Variants in PIK3C2A observed in about 807,000 individuals in gnomAD.
PIK3C2A encodes the protein phosphatidylinositol-4-phosphate 3-kinase catalytic subunit type 2 alpha, also known as phosphatidylinositol 4-phosphate 3-kinase C2 domain-containing subunit alpha.
A neutral mutation model predicts 204.5 loss-of-function variants in PIK3C2A; 97 were observed. The ratio of observed to expected loss-of-function variants is 0.47; its 90% CI spans 0.40 to 0.56. The LOEUF is 0.56. Among genes scored for constraint, PIK3C2A ranks in the 20% least tolerant of loss-of-function variants. The pLI, the probability that PIK3C2A is intolerant of heterozygous loss-of-function variation, is 0.00. For synonymous variants in PIK3C2A, 653 were observed against 664.4 expected (o/e 0.98, Z 0.26); for missense variants, 1,735 against 1,969.2 (o/e 0.88, Z 2.25).
At chr11:17,107,117 T>C (rs1281126927) in intron 22 of PIK3C2A, among the ~76,000 whole-genome samples, 1 of 152,024 alleles carries the variant, frequency 6.6e-6, no homozygotes, top group Non-Finnish European at 1.5e-5. Flanking sequence ...ATCGAGACCA[T>C]CCTGGCTAAC....
intron 21 of PIK3C2A, among the ~76,000 whole-genome samples, chr11:17,110,896 ATTATTTAT>A (rs539022518): frequency 3.3e-5 from 5 of 151,910 alleles, no homozygotes; most frequent in African/African-American, 9.7e-5. Context: ...ATTATATTCA[ATTATTTAT>A]TTATTTATTT....
At chr11:17,118,778 C>T (rs754796101) in intron 17 of PIK3C2A, 39 bp from the exon 18 acceptor site, 5 of 956,758 alleles carry the variant, frequency 5.2e-6, no homozygotes, top group African/African-American at 1.7e-5. Flanking sequence ...GTGGTCTAAC[C>T]CATACTAAAT....
chr11:17,176,919 C>G (rs1183273797), intron 1 of PIK3C2A, among the ~76,000 whole-genome samples: 1 of 152,132 alleles, frequency 6.6e-6, no homozygotes, highest in African/African-American at 2.4e-5. Context: ...TACTATATGC[C>G]AAACATTGCT....
At chr11:17,167,209 G>T (rs1027067242) in intron 2 of PIK3C2A, among the ~76,000 whole-genome samples, 4 of 152,180 alleles carry the variant, frequency 2.6e-5, no homozygotes, top group African/African-American at 9.7e-5. Context: ...CTGGGCTCAA[G>T]TGATTCTCCC....
rs777050777 is a variant in PIK3C2A at position 17,168,978 on chromosome 11, T to C, written c.764A>G (p.Asn255Ser). 112 of 1,613,798 alleles carry C rather than the reference T, an allele frequency of 6.9e-5. No homozygotes were observed. The highest frequency in any genetic ancestry group is 9.1e-5 in the Non-Finnish European group (107 of 1,179,992). Residue 255 changes from asparagine (N) to serine (S), a missense_variant, in exon 2 of 33, where the codon AAT becomes AGT. By Grantham distance (46) the Asn-to-Ser change is conservative. Around this residue, in one of 6 missense-constraint regions of PIK3C2A, gnomAD observed 536 missense variants for 546.7 expected, o/e 0.98. Transcript: ENST00000691414. ...CTCAGACTTTGGAGATACCTGTAGA[T>C]TGCTGACTTTTGAATCTGTTATCTC... Reference protein sequence around the residue: ...DLEITDSKVSNLQVSPKSEDI... With the variant: ...DLEITDSKVSSLQVSPKSEDI...
Position 17,118,756 on chromosome 11 carries a change from T to A in PIK3C2A, c.2941-17A>T. The A allele has an allele frequency of 8.2e-7, 1 of 1,222,126 alleles. No individual in the cohort carries two copies. The highest frequency in any genetic ancestry group is 1.2e-6 in the Non-Finnish European group (1 of 832,120). The allele number at this position is 1,222,126 out of a possible 1,614,324, so 75.7% of individuals were successfully genotyped here. On this transcript the variant is annotated splice_polypyrimidine_tract_variant and intron_variant, in intron 17 of 32. Transcript: ENST00000691414. ...TTTCAAAGCCTACAGTAAAAGAAAATAAGAATTATTAGTGGTCTAACCCAT... is the reference window on the plus strand; with the variant it reads ...TTTCAAAGCCTACAGTAAAAGAAAAAAAGAATTATTAGTGGTCTAACCCAT...
At chr11:17,161,346 TTTTG>T (rs1175889960) in intron 2 of PIK3C2A, among the ~76,000 whole-genome samples, 3 of 152,216 alleles carry the variant, frequency 2.0e-5, no homozygotes, top group Non-Finnish European at 2.9e-5. Context: ...GAAAATCACA[TTTTG>T]TTTAACTTTT....
intron 13 of PIK3C2A, among the ~76,000 whole-genome samples, chr11:17,128,296 G>A (rs1428680162): frequency 1.3e-5 from 2 of 148,304 alleles, no homozygotes; most frequent in Non-Finnish European, 3.0e-5. Context: ...TTGGCGGGGG[G>A]TGGGGAGGGG....
intron 13 of PIK3C2A, among the ~76,000 whole-genome samples, chr11:17,128,557 C>T (rs1304102925): frequency 6.6e-6 from 1 of 152,128 alleles, no homozygotes; most frequent in African/African-American, 2.4e-5. Flanking sequence ...CTTTAATATG[C>T]CAATGTGCAT....
At chr11:17,090,239 C>T (rs1394188369) in intron 32 of PIK3C2A, among the ~76,000 whole-genome samples, 3 of 152,136 alleles carry the variant, frequency 2.0e-5, no homozygotes, top group Non-Finnish European at 2.9e-5. Flanking sequence ...GAGGCTGAGG[C>T]GGGTAGATCA....
At chr11:17,195,742 CAA>C (rs56286931) in intron 1 of PIK3C2A, among the ~76,000 whole-genome samples, 13 of 139,648 alleles carry the variant, frequency 9.3e-5, no homozygotes, top group African/African-American at 7.9e-5. Context: ...GACTCTATTG[CAA>C]AAAAAAAAAA....
chr11:17,101,780 T>G (rs1338916972), intron 24 of PIK3C2A, among the ~76,000 whole-genome samples: 1 of 151,704 alleles, frequency 6.6e-6, no homozygotes, highest in Admixed American at 6.6e-5. Context: ...ATTTTTTGTA[T>G]TTTTAGTAGA....
At chr11:17,151,321 G>C (rs1850420064) in intron 3 of PIK3C2A, among the ~76,000 whole-genome samples, 1 of 152,162 alleles carries the variant, frequency 6.6e-6, no homozygotes, top group Non-Finnish European at 1.5e-5. Context: ...GTAAGACAAA[G>C]ATTTGATAAC....
chr11:17,143,801 G>A (rs138079389), intron 8 of PIK3C2A, among the ~76,000 whole-genome samples: 387 of 152,122 alleles, frequency 2.5e-3, no homozygotes, highest in African/African-American at 8.7e-3. Context: ...GCCAGGCGTG[G>A]TGGCACACAC....
chr11:17,186,715 G>A (rs1851764995), intron 1 of PIK3C2A, among the ~76,000 whole-genome samples: 1 of 152,176 alleles, frequency 6.6e-6, no homozygotes, highest in Admixed American at 6.6e-5. Flanking sequence ...TTTTTAGTCA[G>A]ACCAAAACAC....
intron 26 of PIK3C2A, among the ~76,000 whole-genome samples, chr11:17,099,270 T>C (rs1848546925): frequency 6.6e-6 from 1 of 152,260 alleles, no homozygotes; most frequent in African/African-American, 2.4e-5. Flanking sequence ...CTATGCCATG[T>C]AATAGTTTAC....
At chr11:17,132,490 C>T (rs1044850199) in intron 11 of PIK3C2A, among the ~76,000 whole-genome samples, 2 of 150,904 alleles carry the variant, frequency 1.3e-5, no homozygotes, top group African/African-American at 4.9e-5. Context: ...CCACCGCGCC[C>T]GGCTAATTTT....
In PIK3C2A at chr11:17,169,719, C is replaced by A; in HGVS notation, c.23G>T (p.Ser8Ile). 6.2e-7 allele frequency: 1 copy of A among 1,602,536 alleles called. No homozygotes were observed. Among genetic ancestry groups the A allele is most frequent in the Admixed American group, 1.7e-5 (1 of 59,308 alleles). The change falls in exon 2 of 33, where the codon AGC becomes ATC. Residue 8 changes from serine (S) to isoleucine (I), a missense_variant. Transcript: ENST00000691414. ...TGAAGATGGACATTCTTTAAATCCG[C>A]TGTTGCTAGATATCTGAGCCATGTC... MAQISSN[S>I]GFKECPSSHP... is the part of the protein sequence containing the mutation.
chr11:17,149,865 T>C (rs766322633), intron 4 of PIK3C2A, among the ~76,000 whole-genome samples: 5 of 152,196 alleles, frequency 3.3e-5, no homozygotes, highest in Admixed American at 1.3e-4. Flanking sequence ...ATCTGAATAT[T>C]AGACACATTC....
Sources: gnomAD v4.1 joint callset for allele counts (sites outside exome capture counted in the v4.1 genomes callset) on GRCh38, gnomAD v4.1.1 for gene constraint, gnomAD v4.1.1 regional missense constraint, MANE v1.5 for transcripts, NCBI Gene and HGNC (gene_info 2026-07-23, HGNC 2026-07-21) for gene names.